Variants in S100A16 observed in about 807,000 individuals in gnomAD.
S100A16 encodes S100 calcium binding protein A16.
A neutral mutation model predicts 9.0 loss-of-function variants in S100A16; 8 were observed. That is an observed-to-expected ratio of 0.89 (90% CI 0.52 to 1.60). The LOEUF (loss-of-function observed/expected upper bound fraction) is 1.60. S100A16 is among the 40% of genes most tolerant of loss of function. The pLI is 0.00. For missense variants in S100A16, 138 were observed against 132.4 expected, an observed-to-expected ratio of 1.04 and a Z score of -0.21; for synonymous variants, 51 against 51.4, an observed-to-expected ratio of 0.99 and a Z score of 0.04.
At chr1:153,609,745 ACCTCCTTCCAGC>A (rs1485139582) in intron 1 of S100A16, among the ~76,000 whole-genome samples, 1 of 151,328 alleles carries the variant, frequency 6.6e-6, no homozygotes, top group Non-Finnish European at 1.5e-5. Flanking sequence ...TAAATATTCC[ACCTCCTTCCAGC>A]CCTGATAACG....
In S100A16 at chr1:153,607,094, TCTG is replaced by T. The variant is rs749518324; in HGVS notation, c.*437_*439del. ...GGGGCTAAGGGAAAGTGGAGAGGTC[TCTG>T]CTGCTGCTGCTGCTGCTGCTGCTGC... is the stretch of plus-strand genomic sequence containing the variant. On this transcript the variant is annotated 3_prime_UTR_variant, in exon 3 of 3. Transcript: ENST00000368706. 0.021 allele frequency: 8,398 copies of T among 400,556 alleles called. No homozygotes were observed. Among genetic ancestry groups the T allele is most frequent in the East Asian group, 0.034 (443 of 12,980 alleles). The allele number at this position is 400,556 out of a possible 1,614,324, so 24.8% of individuals were successfully genotyped here.
intron 1 of S100A16, among the ~76,000 whole-genome samples, chr1:153,611,373 A>G (rs1666832401): frequency 6.6e-6 from 1 of 151,324 alleles, no homozygotes; most frequent in Admixed American, 6.6e-5. Flanking sequence ...CCCCACAGAC[A>G]CCTCTGGAGT....
At chr1:153,608,305 A>C (rs1666748324) in intron 1 of S100A16, 128 bp from the exon 2 acceptor site, 2 of 741,164 alleles carry the variant, frequency 2.7e-6, no homozygotes, top group Non-Finnish European at 4.4e-6. Flanking sequence ...AGAAGGTGGC[A>C]GGAAAAGGGG....
intron 2 of S100A16, 103 bp from the exon 3 acceptor site, chr1:153,607,795 C>T: frequency 6.9e-7 from 1 of 1,448,018 alleles, no homozygotes; most frequent in East Asian, 2.3e-5. Flanking sequence ...ACAGCTGCTT[C>T]CCTTGGGAAA....
At chr1:153,610,009 C>T (rs917904588) in intron 1 of S100A16, among the ~76,000 whole-genome samples, 4 of 152,202 alleles carry the variant, frequency 2.6e-5, no homozygotes, top group African/African-American at 7.2e-5. Flanking sequence ...GGAAGCCACA[C>T]GCTTTTCCAT....
At chr1:153,611,953 C>CT (rs1666846381) in intron 1 of S100A16, among the ~76,000 whole-genome samples, 1 of 85,484 alleles carries the variant, frequency 1.2e-5, no homozygotes, top group Non-Finnish European at 3.0e-5. Context: ...ACACACACAC[C>CT]GAGCAAGGAC....
chr1:153,608,939 C>T lies in S100A16; in HGVS notation c.-26-762G>A, dbSNP rs61296485. ...AGCCCAGTTACAGCCCAGCTGGAGT[C>T]GGACTCTGGACACAGCAGCAGACTG... On this transcript the variant is annotated intron_variant, in intron 1 of 2. Transcript: ENST00000368706. 5.7e-3 allele frequency: 5,596 copies of T among 985,922 alleles called. 246 individuals are homozygous for T. In the African/African-American group the frequency reaches 0.091, roughly 16 times the overall value. The allele number at this position is 985,922 out of a possible 1,614,324, so 61.1% of individuals were successfully genotyped here.
rs548279987 is a variant in S100A16 at position 153,609,392 on chromosome 1, G to A, written c.-26-1215C>T. The A allele has an allele frequency of 1.2e-5, 12 of 984,282 alleles. No individual in the cohort carries two copies. The South Asian group carries it at 1.4e-4, about 12-fold the overall frequency. The allele number at this position is 984,282 out of a possible 1,614,324, so 61.0% of individuals were successfully genotyped here. The stretch of plus-strand genomic sequence containing the variant: ...TCCAGCCAGCCTGCCAATCACTCTC[G>A]CCCCGCCCAAGCCACGCCTCCGAAG... On this transcript the variant is annotated intron_variant, in intron 1 of 2. Transcript: ENST00000368706.
rs1423119479 is a variant in S100A16 at position 153,608,087 on chromosome 1, T to C, written c.65A>G (p.Tyr22Cys). ...VIVLVENFYK[Y>C]VSKYSLVKNK... ...CTTGACCAGGCTGTACTTAGACACATATTTGTAGAAGTTTTCCACCAGGAC... is the reference window on the plus strand; with the variant it reads ...CTTGACCAGGCTGTACTTAGACACACATTTGTAGAAGTTTTCCACCAGGAC... The change falls in exon 2 of 3, where the codon TAT (tyrosine) becomes TGT (cysteine). Residue 22 changes from tyrosine to cysteine, a missense_variant. Tyr to Cys is a radical substitution (Grantham distance 194). Transcript: ENST00000368706. The C allele has an allele frequency of 1.2e-6, 2 of 1,614,002 alleles. No homozygotes were observed. The highest frequency in any genetic ancestry group is 1.7e-6 in the Non-Finnish European group (2 of 1,179,936).
chr1:153,609,303 TGC>T (rs1666782222), intron 1 of S100A16: 1 of 985,898 alleles, frequency 1.0e-6, no homozygotes, highest in Admixed American at 6.1e-5. Context: ...CCTCCTGTCC[TGC>T]CACCTGCTTT....
At chr1:153,612,712 G>A (rs1571270979) in intron 1 of S100A16, among the ~76,000 whole-genome samples, 5 of 152,024 alleles carry the variant, frequency 3.3e-5, no homozygotes, top group African/African-American at 9.7e-5. Flanking sequence ...GCTGCGGCAG[G>A]GAGGGGGTCT....
Position 153,607,139 on chromosome 1 carries a change from GC to G in S100A16, c.*394del. On this transcript the variant is annotated 3_prime_UTR_variant, in exon 3 of 3. Coordinates refer to ENST00000368706, the MANE Select transcript of S100A16 (RefSeq NM_080388.3). ...TGCTGCTGCTGTTGCTGCTACCACT[GC>G]CACCAAGAGCAGGGAGACCTCAAGC... 1 of 452,610 alleles carries G rather than the reference GC, an allele frequency of 2.2e-6. No individual in the cohort carries two copies. Among genetic ancestry groups the G allele is most frequent in the Non-Finnish European group, 4.4e-6 (1 of 226,336 alleles). 28.0% of individuals were successfully genotyped at this position (452,610 alleles called of 1,614,324 possible). A position where few individuals can be genotyped will look rare whatever the true frequency, so the allele number is the denominator to read the frequency against.
intron 1 of S100A16, among the ~76,000 whole-genome samples, chr1:153,610,911 G>A (rs1004794823): frequency 6.6e-6 from 1 of 151,860 alleles, no homozygotes; most frequent in African/African-American, 2.4e-5. Flanking sequence ...TATCCCATCA[G>A]CCGCTTCCTA....
chr1:153,611,126 GCAGT>G (rs1394526426), intron 1 of S100A16, among the ~76,000 whole-genome samples: 4 of 151,040 alleles, frequency 2.6e-5, no homozygotes, highest in Non-Finnish European at 5.9e-5. Context: ...TGAGCAACAA[GCAGT>G]CTCCCACCCC....
intron 1 of S100A16, 196 bp from the exon 2 acceptor site, chr1:153,608,373 C>T: frequency 1.8e-6 from 1 of 562,330 alleles, no homozygotes; most frequent in Middle Eastern, 4.7e-4. Flanking sequence ...CTCCTCTAAT[C>T]CAGGTGCTCC....
intron 2 of S100A16, 137 bp from the exon 3 acceptor site, chr1:153,607,829 A>G: frequency 8.0e-7 from 1 of 1,243,210 alleles, no homozygotes; most frequent in Non-Finnish European, 1.1e-6. Flanking sequence ...CTCACTGGCT[A>G]GGCCTAAGCA....
At chr1:153,609,829 A>G (rs1666795507) in intron 1 of S100A16, among the ~76,000 whole-genome samples, 2 of 152,124 alleles carry the variant, frequency 1.3e-5, no homozygotes, top group Non-Finnish European at 2.9e-5. Context: ...TTCTGAAGGA[A>G]GGGTGGGACC....
At chr1:153,612,840 TCTGGCAGG>T (rs1189882666) in intron 1 of S100A16, 104 bp downstream of exon 1, 8 of 152,310 alleles carry the variant, frequency 5.3e-5, no homozygotes, top group African/African-American at 1.7e-4. Flanking sequence ...CTGCCTGCTC[TCTGGCAGG>T]CCCCTCTCCC....
At chr1:153,608,246 A>G in intron 1 of S100A16, 69 bp from the exon 2 acceptor site, 1 of 1,377,702 alleles carries the variant, frequency 7.3e-7, no homozygotes, top group Non-Finnish European at 1.0e-6. Context: ...CTCCACACCC[A>G]CCCTAGGCCC....
Sources: allele counts gnomAD v4.1 joint callset (sites outside exome capture counted in the v4.1 genomes callset), GRCh38; gene constraint gnomAD v4.1.1; transcripts MANE v1.5; gene names NCBI Gene and HGNC (gene_info 2026-07-23, HGNC 2026-07-21).